FGF12: variants seen among roughly 807,000 people sequenced by gnomAD.
FGF12 encodes the protein fibroblast growth factor 12, also known as fibroblast growth factor 12B.
Under a neutral mutation model 23.6 loss-of-function variants are expected in FGF12, and 14 were observed. That is an observed-to-expected ratio of 0.59 (90% confidence interval 0.39 to 0.93). FGF12 has a LOEUF of 0.93. Among genes scored for constraint, FGF12 ranks in the 40% least tolerant of loss-of-function variants. The probability of loss-of-function intolerance (pLI) is 0.00; values close to 1 mark genes in which losing one functional copy is unlikely to be tolerated. For synonymous variants in FGF12, 62 were observed against 77.3 expected (o/e 0.80, Z 1.04); for missense variants, 175 against 217.8 (o/e 0.80, Z 1.24).
chr3:192,624,291 C>T (rs1273094076), intron 2 of FGF12, among the ~76,000 whole-genome samples: 2 of 152,030 alleles, frequency 1.3e-5, no homozygotes, highest in Non-Finnish European at 2.9e-5. Flanking sequence ...AGGCCTGTTT[C>T]TATTTATATC....
Position 192,409,122 on chromosome 3 carries a change from C to T in FGF12, c.14-48584G>A, listed in dbSNP as rs1721095135. 1 of 359,522 alleles carries T rather than the reference C, an allele frequency of 2.8e-6. No individual in the cohort carries two copies. Among genetic ancestry groups the T allele is most frequent in the African/African-American group, 2.2e-5 (1 of 45,234 alleles). The allele number at this position is 359,522 out of a possible 1,614,324, so 22.3% of individuals were successfully genotyped here. ...GGGAGATCCTCGAGGGCCAAGCACC[C>T]CTCGGGGAGAAACCAGCGAGAGGCG... On this transcript the variant is annotated intron_variant, in intron 2 of 5. Coordinates refer to ENST00000445105, the MANE Select transcript of FGF12 (RefSeq NM_004113.6). This position sits in a 1 kb window ranked among gnomAD's most constrained non-coding sequence, Gnocchi z 4.8.
intron 2 of FGF12, among the ~76,000 whole-genome samples, chr3:192,373,287 T>G (rs964134240): frequency 1.2e-5 from 1 of 80,820 alleles, no homozygotes; most frequent in Non-Finnish European, 2.1e-5. Flanking sequence ...GAAGCAAACA[T>G]TTTTTTTTTT....
chr3:192,427,966 T>C (rs1721744794), intron 2 of FGF12, among the ~76,000 whole-genome samples: 1 of 152,208 alleles, frequency 6.6e-6, no homozygotes, highest in Admixed American at 6.5e-5. Flanking sequence ...TCACATAACC[T>C]GCCACTGAGA....
chr3:192,313,199 T>C (rs926313812), intron 4 of FGF12, among the ~76,000 whole-genome samples: 1 of 152,192 alleles, frequency 6.6e-6, no homozygotes, highest in African/African-American at 2.4e-5. Context: ...GTTCTCCCAA[T>C]ATGGGAGATG....
intron 2 of FGF12, among the ~76,000 whole-genome samples, chr3:192,658,414 G>A (rs1716527816): frequency 6.6e-6 from 1 of 152,114 alleles, no homozygotes. Context: ...GTACCTAAAT[G>A]CTGCTACCAG....
chr3:192,642,184 TTTAC>T (rs1333845601), intron 2 of FGF12, among the ~76,000 whole-genome samples: 1 of 152,148 alleles, frequency 6.6e-6, no homozygotes, highest in Non-Finnish European at 1.5e-5. Context: ...TACGTCAGTC[TTTAC>T]TGTCTGTCTC....
At chr3:192,288,703 C>T (rs761097029) in intron 4 of FGF12, among the ~76,000 whole-genome samples, 9 of 152,018 alleles carry the variant, frequency 5.9e-5, no homozygotes, top group Non-Finnish European at 8.8e-5. Context: ...TATTTAATGG[C>T]TTTTCAGTAT....
chr3:192,454,104 T>A (rs1370480351), intron 2 of FGF12, among the ~76,000 whole-genome samples: 2 of 152,044 alleles, frequency 1.3e-5, no homozygotes, highest in African/African-American at 4.8e-5. Context: ...AGTGACGCAA[T>A]CTTGGCTCAC....
chr3:192,574,775 G>C (rs1207977953), intron 2 of FGF12, among the ~76,000 whole-genome samples: 1 of 152,108 alleles, frequency 6.6e-6, no homozygotes, highest in Non-Finnish European at 1.5e-5. Context: ...TGCATCTTTG[G>C]AAGTGACTCC....
rs75816851 is a variant in FGF12, at chr3:192,265,977, C to T, written c.228+69384G>A. Among the ~76,000 whole-genome samples the T allele has an allele frequency of 3.1e-3, 470 of 152,224 alleles. 2 individuals are homozygous for T. The highest frequency in any genetic ancestry group is 0.011 in the African/African-American group (458 of 41,546). On this transcript the variant is annotated intron_variant, in intron 4 of 5. Coordinates refer to ENST00000445105, the MANE Select transcript of FGF12 (RefSeq NM_004113.6). ...GCATTGTGGGGATAAAGAACTGGCTCATAGGAAAGAATTCATTTAGCAGAC... is the reference window on the plus strand; with the variant it reads ...GCATTGTGGGGATAAAGAACTGGCTTATAGGAAAGAATTCATTTAGCAGAC...
intron 2 of FGF12, among the ~76,000 whole-genome samples, chr3:192,602,732 AAAAAC>A: frequency 1.3e-5 from 2 of 151,982 alleles, no homozygotes; most frequent in Non-Finnish European, 2.9e-5. Context: ...CAAAAAAAAA[AAAAAC>A]ACAGAAAAAT....
intron 2 of FGF12, among the ~76,000 whole-genome samples, chr3:192,432,334 G>A (rs547364137): frequency 6.6e-6 from 1 of 152,034 alleles, no homozygotes; most frequent in South Asian, 2.1e-4. Context: ...AAGGAATGAC[G>A]GTAAGGCCAG....
chr3:192,288,889 C>A (rs1714607024), intron 4 of FGF12, among the ~76,000 whole-genome samples: 1 of 152,022 alleles, frequency 6.6e-6, no homozygotes, highest in Admixed American at 6.6e-5. Context: ...TCAACATTAC[C>A]TAAGCTCTCA....
intron 2 of FGF12, chr3:192,726,788 G>C (rs1719230043): frequency 4.4e-6 from 1 of 225,924 alleles, no homozygotes; most frequent in Non-Finnish European, 8.8e-6. Context: ...TGCATTATTG[G>C]ATATCAGGTA....
At chr3:192,288,589 A>G (rs1220260359) in intron 4 of FGF12, among the ~76,000 whole-genome samples, 3 of 152,096 alleles carry the variant, frequency 2.0e-5, no homozygotes, top group African/African-American at 4.8e-5. Flanking sequence ...CTGAAAGTTC[A>G]TCCATGGCCA....
At chr3:192,515,364 G>C (rs894189594) in intron 2 of FGF12, 3 of 153,056 alleles carry the variant, frequency 2.0e-5, no homozygotes, top group East Asian at 3.8e-4. Context: ...AGGGAACTAG[G>C]GGGTGGGGTA....
At chr3:192,698,283 T>C (rs1204532857) in intron 2 of FGF12, among the ~76,000 whole-genome samples, 1 of 152,214 alleles carries the variant, frequency 6.6e-6, no homozygotes, top group Non-Finnish European at 1.5e-5. Flanking sequence ...TATGACCTCC[T>C]CTAACAAAGT....
chr3:192,512,024 T>C lies in FGF12; in HGVS notation c.14-151486A>G, dbSNP rs143684860. ...ATCAAAATGCTTATAATTCCAACTA[T>C]TCAGCAATCTGTTAGGAGAATCTCT... is the stretch of plus-strand genomic sequence containing the variant. On this transcript the variant is annotated intron_variant, in intron 2 of 5. Transcript: ENST00000445105. Among the ~76,000 whole-genome samples, 327 of 152,352 alleles carry C rather than the reference T, an allele frequency of 2.1e-3. 2 individuals carry two copies. Among genetic ancestry groups the C allele is most frequent in the African/African-American group, 7.4e-3 (308 of 41,586 alleles).
At chr3:192,538,528 A>G (rs984391306) in intron 2 of FGF12, among the ~76,000 whole-genome samples, 1 of 152,226 alleles carries the variant, frequency 6.6e-6, no homozygotes, top group Admixed American at 6.5e-5. Flanking sequence ...ATAGCTCTGT[A>G]GTACAATTTG....
Sources: gnomAD v4.1 joint callset for allele counts (sites outside exome capture counted in the v4.1 genomes callset) on GRCh38, gnomAD v4.1.1 for gene constraint, Gnocchi (gnomAD v3.1) non-coding constraint, MANE v1.5 for transcripts, NCBI Gene and HGNC (gene_info 2026-07-23, HGNC 2026-07-21) for gene names.